The following C4orf50 variants were observed in gnomAD, a reference collection of about 807,000 sequenced individuals.
C4orf50 encodes the protein uncharacterized protein C4orf50.
In C4orf50, 80 loss-of-function variants were observed where a neutral mutation model predicts 77.2. The observed-to-expected ratio is 1.04, with a 90% CI of 0.87 to 1.25. C4orf50 has a LOEUF of 1.25. Ranked by LOEUF, C4orf50 falls within the 50% of genes most tolerant of loss-of-function variation. The pLI, the probability that C4orf50 is intolerant of heterozygous loss-of-function variation, is 0.00. For synonymous variants in C4orf50, 532 were observed against 465.3 expected (o/e 1.14, Z -1.84); for missense variants, 1,257 against 1,152.9 (o/e 1.09, Z -1.31).
intron 29 of C4orf50, among the ~76,000 whole-genome samples, 158 bp from the exon 8 acceptor site, chr4:5,976,113 C>T (rs914269771): frequency 1.3e-5 from 2 of 152,148 alleles, no homozygotes; most frequent in East Asian, 3.9e-4. Flanking sequence ...CCACCACCTG[C>T]CTGGCAGGAT....
chr4:5,959,302 A>T, exon 34 of C4orf50: 2 of 1,508,522 alleles, frequency 1.3e-6, no homozygotes, highest in Middle Eastern at 3.5e-4. Context: ...CAATTTCTTA[A>T]AGCACTCTCT....
intron 25 of C4orf50, among the ~76,000 whole-genome samples, chr4:6,004,853 G>GTGGTGATGGTGA (rs1168855601): frequency 6.6e-6 from 1 of 151,880 alleles, no homozygotes; most frequent in African/African-American, 2.4e-5. Flanking sequence ...GATGGTGATG[G>GTGGTGATGGTGA]TGGTGATGAT....
Position 5,932,840 on chromosome 4 carries a change from A to C in C4orf50, c.*2474+24061T>G, listed in dbSNP as rs1046788044. On this transcript the variant is annotated intron_variant, in intron 7 of 7. Coordinates refer to the C4orf50 transcript ENST00000324058. This position sits in a 1 kb window ranked among gnomAD's most constrained non-coding sequence, Gnocchi z 4.2. The stretch of plus-strand genomic sequence containing the variant: ...TTCAGTTTCCTTCTGCACAGAGGAG[A>C]ATATTACTAGTTAGCTTCACAAATT... Among the ~76,000 whole-genome samples the C allele has an allele frequency of 1.3e-5, 2 of 152,178 alleles. No homozygotes were observed. Among genetic ancestry groups the C allele is most frequent in the Non-Finnish European group, 2.9e-5 (2 of 68,024 alleles).
chr4:5,922,539 G>A (rs972654049), intron 7 of C4orf50, among the ~76,000 whole-genome samples: 7 of 152,154 alleles, frequency 4.6e-5, no homozygotes, highest in South Asian at 2.1e-4. Flanking sequence ...TTGGACCCAC[G>A]GGAAGGGGCA....
intron 7 of C4orf50, among the ~76,000 whole-genome samples, chr4:5,914,182 A>G (rs1716930441): frequency 6.9e-6 from 1 of 145,044 alleles, no homozygotes; most frequent in Non-Finnish European, 1.5e-5. Flanking sequence ...AGGTTAACAG[A>G]TTTTGTTTTT....
intron 28 of C4orf50, among the ~76,000 whole-genome samples, chr4:5,986,384 C>T (rs1720859362): frequency 7.7e-6 from 1 of 129,086 alleles, no homozygotes; most frequent in Non-Finnish European, 1.6e-5. Flanking sequence ...AATCAAGCAA[C>T]ATATTTCTAA....
chr4:5,977,732 G>A (rs1424462682), intron 29 of C4orf50, among the ~76,000 whole-genome samples: 1 of 152,198 alleles, frequency 6.6e-6, no homozygotes, highest in Non-Finnish European at 1.5e-5. Flanking sequence ...TAAGCAGACT[G>A]TCTTACATTC....
At chr4:5,975,314 C>T (rs1720206256) in intron 30 of C4orf50, among the ~76,000 whole-genome samples, 2 of 152,070 alleles carry the variant, frequency 1.3e-5, no homozygotes, top group African/African-American at 4.8e-5. Context: ...ATGAAAAGTG[C>T]AGCCTCAAAG....
chr4:5,957,003 G>A (rs1718997145), downstream of C4orf50: 1 of 152,256 alleles, frequency 6.6e-6, no homozygotes, highest in Admixed American at 6.5e-5. Context: ...CCAGGCGAGG[G>A]GAGTCCGCCA....
intron 30 of C4orf50, among the ~76,000 whole-genome samples, chr4:5,974,742 T>C (rs186676871): frequency 6.6e-6 from 1 of 152,352 alleles, no homozygotes; most frequent in East Asian, 1.9e-4. Flanking sequence ...TTCTGTGTCC[T>C]GCTAGCAAAG....
intron 23 of C4orf50, among the ~76,000 whole-genome samples, chr4:6,014,556 A>C (rs1402323044): frequency 6.6e-6 from 1 of 152,252 alleles, no homozygotes; most frequent in Non-Finnish European, 1.5e-5. Flanking sequence ...AACCCAAGAC[A>C]TACTATCCAG....
chr4:5,909,127 C>T (rs1396580117), intron 7 of C4orf50, among the ~76,000 whole-genome samples: 1 of 152,184 alleles, frequency 6.6e-6, no homozygotes, highest in Non-Finnish European at 1.5e-5. Context: ...TAGGATGCAG[C>T]CTAACTTAGC....
At chr4:5,953,672 G>T (rs1409661644), downstream of C4orf50, among the ~76,000 whole-genome samples, 1 of 152,208 alleles carries the variant, frequency 6.6e-6, no homozygotes, top group Non-Finnish European at 1.5e-5. Flanking sequence ...ATGGGGGCAG[G>T]TCCAGCCCCT....
intron 25 of C4orf50, among the ~76,000 whole-genome samples, chr4:6,004,980 T>TATC (rs537839287): frequency 1.4e-3 from 219 of 152,290 alleles, no homozygotes; most frequent in African/African-American, 5.0e-3. Flanking sequence ...GATGCACTAG[T>TATC]ATCATCATCA....
At chr4:5,974,123 G>A (rs545272000) in intron 30 of C4orf50, among the ~76,000 whole-genome samples, 9 of 152,300 alleles carry the variant, frequency 5.9e-5, no homozygotes, top group African/African-American at 1.9e-4. Context: ...GCCCCACCAC[G>A]GACCAGCTCT....
rs1717175709 is a variant in C4orf50 at position 5,919,509 on chromosome 4, C to CGA, written c.*2475-21323_*2475-21322dup. 6.6e-6 allele frequency among the ~76,000 whole-genome samples: 1 copy of CGA among 152,134 alleles called. No homozygotes were observed. The highest frequency in any genetic ancestry group is 6.5e-5 in the Admixed American group (1 of 15,284). On this transcript the variant is annotated intron_variant, in intron 7 of 7. Transcript: ENST00000324058. This position sits in a 1 kb window ranked among gnomAD's most constrained non-coding sequence, Gnocchi z 6.5. ...ACAGAGACTGTGCAGGAGGCCATGT[C>CGA]GAGGACGTCTCCCAGGAAGGTTTCC... is the stretch of plus-strand genomic sequence containing the variant.
rs10708646 is a variant in C4orf50, at chr4:5,993,857, T to TA, written c.1093+489dup. Among the ~76,000 whole-genome samples the TA allele has an allele frequency of 4.7e-3, 685 of 144,386 alleles. 2 individuals are homozygous for TA. The highest frequency in any genetic ancestry group is 0.013 in the South Asian group (57 of 4,544). The allele number at this position is 144,386 out of a possible 152,430, so 94.7% of individuals were successfully genotyped here. On this transcript the variant is annotated intron_variant, in intron 26 of 33. Coordinates refer to ENST00000531445, the Ensembl canonical transcript of C4orf50. ...AAAAATAAAAATAAATAAAAATAAA[T>TA]AAAAAAAAAAAAGAGAGAGAGAGAT...
intron 7 of C4orf50, among the ~76,000 whole-genome samples, chr4:5,944,393 C>A (rs1718395049): frequency 6.6e-6 from 1 of 152,176 alleles, no homozygotes; most frequent in Non-Finnish European, 1.5e-5. Flanking sequence ...CCCAGGAGTT[C>A]TCCCACTATC....
At chr4:5,991,665 C>A (rs1379730769) in intron 27 of C4orf50, among the ~76,000 whole-genome samples, 4 of 152,136 alleles carry the variant, frequency 2.6e-5, no homozygotes, top group Non-Finnish European at 5.9e-5. Flanking sequence ...AGGCTGCAGG[C>A]AGTTCTCAGT....
Sources: gnomAD v4.1 joint callset for allele counts (sites outside exome capture counted in the v4.1 genomes callset) on GRCh38, gnomAD v4.1.1 for gene constraint, Gnocchi (gnomAD v3.1) non-coding constraint, MANE v1.5 for transcripts, NCBI Gene and HGNC (gene_info 2026-07-23, HGNC 2026-07-21) for gene names.